ITFG1: variants seen among roughly 807,000 people sequenced by gnomAD.
The protein encoded by ITFG1 is T-cell immunomodulatory protein.
A neutral mutation model predicts 81.8 loss-of-function variants in ITFG1; 34 were observed. The ratio of observed to expected loss-of-function variants is 0.42; its 90% CI spans 0.32 to 0.55. The LOEUF (loss-of-function observed/expected upper bound fraction) is 0.55. ITFG1 is among the 20% of genes least tolerant of loss of function. The pLI is 0.17. For synonymous variants in ITFG1, 285 were observed against 270.6 expected, an observed-to-expected ratio of 1.05 and a Z score of -0.52; for missense variants, 672 against 755.4, an observed-to-expected ratio of 0.89 and a Z score of 1.29.
intron 14 of ITFG1, among the ~76,000 whole-genome samples, chr16:47,165,954 G>A (rs979095243): frequency 6.6e-6 from 1 of 152,114 alleles, no homozygotes; most frequent in African/African-American, 2.4e-5. Flanking sequence ...TCTAACTGAT[G>A]GACCCTCCCC....
At chr16:47,239,995 A>C (rs1965915278) in intron 12 of ITFG1, among the ~76,000 whole-genome samples, 1 of 152,106 alleles carries the variant, frequency 6.6e-6, no homozygotes. Flanking sequence ...AGGAGGAAAA[A>C]AGATGGCTTA....
chr16:47,350,054 C>T (rs1177151841), intron 8 of ITFG1, among the ~76,000 whole-genome samples: 2 of 152,180 alleles, frequency 1.3e-5, no homozygotes, highest in Non-Finnish European at 2.9e-5. Context: ...CTCTGGGACA[C>T]ATTCAAAGCA....
intron 13 of ITFG1, among the ~76,000 whole-genome samples, chr16:47,225,171 A>G (rs1965743118): frequency 6.6e-6 from 1 of 152,208 alleles, no homozygotes; most frequent in Non-Finnish European, 1.5e-5. Flanking sequence ...AGCAAAGCTC[A>G]ATAGGAGATT....
chr16:47,297,336 A>G (rs781365062), intron 10 of ITFG1, among the ~76,000 whole-genome samples: 7 of 152,144 alleles, frequency 4.6e-5, no homozygotes, highest in Non-Finnish European at 1.0e-4. Context: ...AGGATTTCTT[A>G]TAAGCAGCAT....
chr16:47,419,598 G>A (rs72800649), intron 6 of ITFG1, among the ~76,000 whole-genome samples: 3,001 of 142,584 alleles, frequency 0.021, 46 homozygotes, highest in Non-Finnish European at 0.033. Flanking sequence ...CCTTACTTCA[G>A]GTCTTTTTTT....
intron 14 of ITFG1, among the ~76,000 whole-genome samples, chr16:47,184,616 C>T (rs1047957721): frequency 7.8e-4 from 118 of 152,040 alleles, no homozygotes; most frequent in African/African-American, 2.6e-3. Context: ...CCTAAAAGAG[C>T]TCCTGAAGGA....
At chr16:47,461,086 T>C (rs1403419137), upstream of ITFG1, 1 of 1,480,094 alleles carries the variant, frequency 6.8e-7, no homozygotes, top group African/African-American at 1.4e-5. Context: ...AACGCCGCGC[T>C]TGACGACAGC....
chr16:47,307,193 G>A (rs908107724), intron 10 of ITFG1, among the ~76,000 whole-genome samples: 1 of 149,506 alleles, frequency 6.7e-6, no homozygotes, highest in Non-Finnish European at 1.5e-5. Flanking sequence ...AAACATGAAG[G>A]AGTCGTATCT....
intron 8 of ITFG1, among the ~76,000 whole-genome samples, chr16:47,341,256 A>AAAATAAATAAATAAATAAATAAAT (rs111605574): frequency 7.3e-5 from 11 of 150,708 alleles, no homozygotes; most frequent in African/African-American, 2.7e-4. Flanking sequence ...CCATCTGTAA[A>AAAATAAATAAATAAATAAATAAAT]AAATAAATAA....
At chr16:47,231,726 G>T (rs904714166) in intron 13 of ITFG1, among the ~76,000 whole-genome samples, 1 of 152,160 alleles carries the variant, frequency 6.6e-6, no homozygotes, top group Non-Finnish European at 1.5e-5. Flanking sequence ...GTGTATTAGG[G>T]CCTACTATGG....
intron 14 of ITFG1, among the ~76,000 whole-genome samples, chr16:47,212,152 A>G (rs745565264): frequency 5.9e-5 from 9 of 152,040 alleles, no homozygotes; most frequent in Non-Finnish European, 1.0e-4. Flanking sequence ...ATCAGGGTAA[A>G]CCTACAAACC....
intron 10 of ITFG1, among the ~76,000 whole-genome samples, chr16:47,277,498 G>GT (rs954731758): frequency 3.9e-5 from 6 of 152,178 alleles, no homozygotes; most frequent in Non-Finnish European, 8.8e-5. Flanking sequence ...AGAGCTGACT[G>GT]TATTTATTGA....
intron 14 of ITFG1, chr16:47,202,387 A>G (rs941997964): frequency 6.6e-6 from 1 of 152,208 alleles, no homozygotes; most frequent in South Asian, 2.1e-4. Flanking sequence ...ATTGGTTTTC[A>G]GATTAGAAAA....
intron 5 of ITFG1, among the ~76,000 whole-genome samples, chr16:47,445,240 C>T (rs990910537): frequency 7.3e-5 from 10 of 136,230 alleles, no homozygotes; most frequent in Admixed American, 6.2e-4. Flanking sequence ...AGCGAGACTC[C>T]GTCTCAGAAA....
intron 8 of ITFG1, among the ~76,000 whole-genome samples, chr16:47,364,641 C>T (rs1411671758): frequency 6.6e-6 from 1 of 152,042 alleles, no homozygotes; most frequent in African/African-American, 2.4e-5. Context: ...GTAAAGGCAA[C>T]AGAAATTTAC....
At chr16:47,437,735 T>C (rs1046657798) in intron 5 of ITFG1, among the ~76,000 whole-genome samples, 8 of 152,164 alleles carry the variant, frequency 5.3e-5, no homozygotes, top group Non-Finnish European at 1.2e-4. Context: ...GATGGCCAAA[T>C]AGGAACGGCT....
chr16:47,355,544 C>T (rs1242226394), intron 8 of ITFG1, among the ~76,000 whole-genome samples: 3 of 152,064 alleles, frequency 2.0e-5, no homozygotes, highest in Non-Finnish European at 4.4e-5. Flanking sequence ...AATGTTCTCA[C>T]CACAAAGAAA....
At chr16:47,232,348 A>C (rs1461623749) in intron 13 of ITFG1, among the ~76,000 whole-genome samples, 1 of 152,206 alleles carries the variant, frequency 6.6e-6, no homozygotes, top group Non-Finnish European at 1.5e-5. Flanking sequence ...TTTGCATTTT[A>C]TGGATTATTT....
chr16:47,287,563 G>T (rs1384174686), intron 10 of ITFG1, among the ~76,000 whole-genome samples: 1 of 151,884 alleles, frequency 6.6e-6, no homozygotes. Flanking sequence ...ACTATGTCTG[G>T]CTATTATAAA....
Sources: allele counts gnomAD v4.1 joint callset (sites outside exome capture counted in the v4.1 genomes callset), GRCh38; gene constraint gnomAD v4.1.1; transcripts MANE v1.5; gene names NCBI Gene and HGNC (gene_info 2026-07-23, HGNC 2026-07-21).